Variants in IMMT observed in about 807,000 individuals in gnomAD.
IMMT encodes MICOS complex subunit MIC60.
In IMMT, 40 loss-of-function variants were observed where a neutral mutation model predicts 92.7. The ratio of observed to expected loss-of-function variants is 0.43; its 90% CI spans 0.34 to 0.56. The LOEUF (loss-of-function observed/expected upper bound fraction) is 0.56. Among genes scored for constraint, IMMT ranks in the 20% least tolerant of loss-of-function variants. IMMT has a pLI of 0.03. For synonymous variants in IMMT, 322 were observed against 336.1 expected (o/e 0.96, Z 0.46); for missense variants, 831 against 912.1 (o/e 0.91, Z 1.14).
chr2:86,164,533 A>C, intron 7 of IMMT, among the ~76,000 whole-genome samples: 1 of 151,898 alleles, frequency 6.6e-6, no homozygotes, highest in Non-Finnish European at 1.5e-5. Flanking sequence ...TGTACGAAAA[A>C]TACAAAAATT....
At chr2:86,166,277 G>A (rs1002586709) in intron 7 of IMMT, among the ~76,000 whole-genome samples, 1 of 152,148 alleles carries the variant, frequency 6.6e-6, no homozygotes, top group African/African-American at 2.4e-5. Context: ...GTTGCAATGA[G>A]CCGAGATCGC....
At chr2:86,182,609 G>A (rs745878198) in intron 1 of IMMT, among the ~76,000 whole-genome samples, 1 of 152,134 alleles carries the variant, frequency 6.6e-6, no homozygotes, top group African/African-American at 2.4e-5. Flanking sequence ...GAGGGTGAGC[G>A]GCGCAGGCGG....
chr2:86,147,871 C>A, intron 12 of IMMT, 38 bp from the exon 13 acceptor site: 2 of 1,599,896 alleles, frequency 1.3e-6, no homozygotes, highest in South Asian at 2.2e-5. Flanking sequence ...GTTTTCAATT[C>A]TCCACATATA....
intron 12 of IMMT, among the ~76,000 whole-genome samples, chr2:86,148,152 C>T (rs1439652266): frequency 6.6e-6 from 1 of 152,184 alleles, no homozygotes; most frequent in Non-Finnish European, 1.5e-5. Flanking sequence ...ACATGCTCCT[C>T]TGAGAAATAA....
At chr2:86,148,836 CAATAT>C (rs1333816641) in intron 12 of IMMT, among the ~76,000 whole-genome samples, 4 of 150,958 alleles carry the variant, frequency 2.6e-5, no homozygotes, top group Non-Finnish European at 5.9e-5. Flanking sequence ...TTCTCAGAAA[CAATAT>C]AATAAATCAA....
At chr2:86,169,959 G>A (rs1261636832) in intron 6 of IMMT, among the ~76,000 whole-genome samples, 3 of 152,154 alleles carry the variant, frequency 2.0e-5, no homozygotes, top group Non-Finnish European at 2.9e-5. Flanking sequence ...GGAAACCAGC[G>A]ATGTGTAGAA....
At chr2:86,160,935 T>C (rs143213368) in intron 8 of IMMT, among the ~76,000 whole-genome samples, 13 of 152,272 alleles carry the variant, frequency 8.5e-5, no homozygotes, top group South Asian at 2.1e-4. Flanking sequence ...AACTGACTTT[T>C]ATGTAAGATC....
chr2:86,145,328 C>T (rs1205071156), intron 14 of IMMT, among the ~76,000 whole-genome samples: 2 of 151,766 alleles, frequency 1.3e-5, no homozygotes, highest in African/African-American at 4.8e-5. Flanking sequence ...AACCCTGTGT[C>T]TACTAAAAAT....
intron 1 of IMMT, among the ~76,000 whole-genome samples, chr2:86,183,360 C>T (rs1672552623): frequency 6.6e-6 from 1 of 152,076 alleles, no homozygotes; most frequent in Non-Finnish European, 1.5e-5. Flanking sequence ...CCAGGCTGGT[C>T]TCGAACTCCT....
intron 12 of IMMT, among the ~76,000 whole-genome samples, chr2:86,149,897 AAG>A (rs1481297124): frequency 6.6e-6 from 1 of 150,898 alleles, no homozygotes; most frequent in Non-Finnish European, 1.5e-5. Flanking sequence ...AAAAAAAAAA[AAG>A]AAAGAAAAAG....
At chr2:86,179,287 T>C (rs1677668709) in intron 3 of IMMT, 146 bp downstream of exon 3, 1 of 623,956 alleles carries the variant, frequency 1.6e-6, no homozygotes, top group Non-Finnish European at 2.7e-6. Context: ...ATCTGAGACT[T>C]GAGCATCCAT....
intron 4 of IMMT, chr2:86,171,580 T>A: frequency 2.2e-6 from 1 of 461,428 alleles, no homozygotes; most frequent in East Asian, 3.7e-5. Context: ...CTTGTCTGCA[T>A]CCACCTGCAT....
rs60223703 is a variant in IMMT at position 86,153,868 on chromosome 2, G to GTT, written c.1163-296_1163-295dup. On this transcript the variant is annotated intron_variant, in intron 10 of 14. Coordinates refer to ENST00000410111, the MANE Select transcript of IMMT (RefSeq NM_006839.3). ...TCACAGTAATCAACTTAAATTTTTT[G>GTT]TTTTTTTGTTTTGAGACAGAGCCTT... 1.3e-4 allele frequency among the ~76,000 whole-genome samples: 19 copies of GTT among 151,782 alleles called. No homozygotes were observed. In the East Asian group the frequency reaches 2.7e-3, roughly 22 times the overall value.
chr2:86,174,360 T>C (rs1018411831), intron 3 of IMMT, among the ~76,000 whole-genome samples: 1 of 152,246 alleles, frequency 6.6e-6, no homozygotes, highest in African/African-American at 2.4e-5. Context: ...TTTCCACTTA[T>C]GTTATTCCAC....
At chr2:86,173,845 A>G (rs570786650) in intron 3 of IMMT, 84 bp from the exon 4 acceptor site, 1 of 693,504 alleles carries the variant, frequency 1.4e-6, no homozygotes, top group South Asian at 1.8e-5. Flanking sequence ...TCAAATGCCA[A>G]GTCTTTCAGG....
chr2:86,151,273 G>C, intron 12 of IMMT, 24 bp downstream of exon 12: 1 of 1,547,824 alleles, frequency 6.5e-7, no homozygotes, highest in South Asian at 1.1e-5. Context: ...TTAAATGTTA[G>C]GCAACAATTC....
intron 1 of IMMT, chr2:86,193,040 C>CTT (rs1476960246): frequency 2.6e-5 from 4 of 153,506 alleles, no homozygotes; most frequent in Non-Finnish European, 4.4e-5. Flanking sequence ...TGTCTTACTG[C>CTT]TTTTACTATT....
rs1675042596 is a variant in IMMT at position 86,146,682 on chromosome 2, A to G, written c.1534-485T>C. ...CCGGCCGATGTATATAATTCTTTAC[A>G]GGTTTACTGATGGAACCTAATATTA... On this transcript the variant is annotated intron_variant, in intron 13 of 14. Transcript: ENST00000410111. Among the ~76,000 whole-genome samples, 7 of 152,298 alleles carry G rather than the reference A, an allele frequency of 4.6e-5. No individual in the cohort carries two copies. In the South Asian group the frequency reaches 1.5e-3, roughly 32 times the overall value.
intron 4 of IMMT, among the ~76,000 whole-genome samples, chr2:86,171,977 T>G (rs1251296136): frequency 7.3e-6 from 1 of 136,906 alleles, no homozygotes; most frequent in African/African-American, 2.7e-5. Context: ...TTTTTTTTTT[T>G]TTTTTTGAGA....
Sources: allele counts gnomAD v4.1 joint callset (sites outside exome capture counted in the v4.1 genomes callset), GRCh38; gene constraint gnomAD v4.1.1; transcripts MANE v1.5; gene names NCBI Gene and HGNC (gene_info 2026-07-23, HGNC 2026-07-21).